AKAP13: variants seen among roughly 807,000 people sequenced by gnomAD.
AKAP13 encodes A-kinase anchor protein 13.
In AKAP13, 80 loss-of-function variants were observed where a neutral mutation model predicts 264.5. The observed-to-expected ratio is 0.30, with a 90% CI of 0.25 to 0.36. The LOEUF is 0.36. AKAP13 is among the 10% of genes least tolerant of loss of function. AKAP13 has a pLI of 1.00. For missense variants in AKAP13, 3,712 were observed against 3,435.2 expected (o/e 1.08, Z -2.01); for synonymous variants, 1,380 against 1,250.2 (o/e 1.10, Z -2.19).
chr15:85,497,207 A>G (rs2075895567), intron 2 of AKAP13, among the ~76,000 whole-genome samples: 1 of 152,224 alleles, frequency 6.6e-6, no homozygotes, highest in Non-Finnish European at 1.5e-5. Flanking sequence ...ATTTAAAACA[A>G]GTATTTGTGA....
intron 3 of AKAP13, among the ~76,000 whole-genome samples, chr15:85,523,600 T>C (rs1567103962): frequency 6.6e-6 from 1 of 152,256 alleles, no homozygotes; most frequent in Non-Finnish European, 1.5e-5. Flanking sequence ...ATTTATTTTC[T>C]ATCTGCCCCA....
chr15:85,671,433 C>CAAAAAAAAA (rs11296113), intron 14 of AKAP13, among the ~76,000 whole-genome samples: 1 of 70,566 alleles, frequency 1.4e-5, no homozygotes. Context: ...GACACTGCCT[C>CAAAAAAAAA]AAAAAAAAAA....
intron 8 of AKAP13, among the ~76,000 whole-genome samples, chr15:85,596,394 C>G (rs1372474816): frequency 6.6e-6 from 1 of 152,024 alleles, no homozygotes; most frequent in Non-Finnish European, 1.5e-5. Context: ...TTGCTTGAGC[C>G]TAGGAGTTCG....
chr15:85,725,253 T>G (rs1250602722), intron 26 of AKAP13, among the ~76,000 whole-genome samples: 1 of 152,116 alleles, frequency 6.6e-6, no homozygotes, highest in Non-Finnish European at 1.5e-5. Context: ...AGTGAATTCA[T>G]GCCAAGAACA....
intron 1 of AKAP13, among the ~76,000 whole-genome samples, chr15:85,468,545 A>G (rs1343368418): frequency 6.6e-6 from 1 of 152,236 alleles, no homozygotes; most frequent in African/African-American, 2.4e-5. Flanking sequence ...ACACCAGGCT[A>G]CTAAAGAGAT....
intron 23 of AKAP13, among the ~76,000 whole-genome samples, chr15:85,720,413 G>A (rs1280716159): frequency 6.6e-6 from 1 of 152,116 alleles, no homozygotes; most frequent in Non-Finnish European, 1.5e-5. Context: ...AATATGTATT[G>A]TTGATACTTT....
chr15:85,583,255 G>C (rs11635711), intron 7 of AKAP13: 218,763 of 873,402 alleles, frequency 0.25, 29,516 homozygotes, highest in Middle Eastern at 0.36. Context: ...TTAAGAATGT[G>C]GGGGAGGGTT....
At chr15:85,641,212 C>T (rs1250512554) in intron 9 of AKAP13, among the ~76,000 whole-genome samples, 1 of 151,690 alleles carries the variant, frequency 6.6e-6, no homozygotes, top group African/African-American at 2.4e-5. Flanking sequence ...TTGGGGAGGC[C>T]GAGGCGGGCA....
intron 3 of AKAP13, among the ~76,000 whole-genome samples, chr15:85,533,355 AGTTTTTT>A (rs1045963931): frequency 6.6e-6 from 1 of 152,156 alleles, no homozygotes; most frequent in Non-Finnish European, 1.5e-5. Flanking sequence ...TGGGATACAA[AGTTTTTT>A]GTTTTTTGTT....
chr15:85,521,308 A>T, intron 2 of AKAP13, 120 bp from the exon 3 acceptor site: 2 of 1,210,610 alleles, frequency 1.7e-6, no homozygotes, highest in Non-Finnish European at 2.4e-6. Context: ...TCAGCTTACC[A>T]GAATGGGGGC....
intron 1 of AKAP13, among the ~76,000 whole-genome samples, chr15:85,459,044 C>G (rs1421213598): frequency 1.3e-5 from 2 of 152,216 alleles, no homozygotes; most frequent in African/African-American, 2.4e-5. Context: ...ATCTACAGCT[C>G]TAACCAAGAC....
At position 85,562,564 on chromosome 15, in the gene AKAP13, C is replaced by CAAAA. The variant is rs1253215813; in HGVS notation, c.663-12559_663-12556dup. Among the ~76,000 whole-genome samples, 82 of 33,872 alleles carry CAAAA rather than the reference C, an allele frequency of 2.4e-3. 2 individuals carry two copies. The highest frequency in any genetic ancestry group is 6.5e-3 in the African/African-American group (67 of 10,296). The allele number at this position is 33,872 out of a possible 152,430, so 22.2% of individuals were successfully genotyped here. A position where few individuals can be genotyped will look rare whatever the true frequency, so the allele number is the denominator to read the frequency against. On this transcript the variant is annotated intron_variant, in intron 5 of 36. Transcript: ENST00000394518. ...TGGGTGACAGAGTGAGAATCTGCCT[C>CAAAA]AAAAAAAAAAATATATATATATATA...
intron 10 of AKAP13, among the ~76,000 whole-genome samples, chr15:85,649,601 G>A (rs2082713211): frequency 6.6e-6 from 1 of 152,134 alleles, no homozygotes; most frequent in Non-Finnish European, 1.5e-5. Flanking sequence ...CCTCACAGAG[G>A]TCTTTAACAG....
At position 85,723,212 on chromosome 15, in the gene AKAP13, A is replaced by T. The variant is rs1300669673; in HGVS notation, c.6637A>T (p.Ile2213Phe). Reference protein sequence around the residue: ...EIYTKTDSKSIMRMKSGQMFA... With the variant: ...EIYTKTDSKSFMRMKSGQMFA... Reference sequence around the variant, plus strand: ...TTATACAAAGACAGATAGCAAGTCAATCATGAGGATGAAGAGTGGTCAGAT... The same window carrying T: ...TTATACAAAGACAGATAGCAAGTCATTCATGAGGATGAAGAGTGGTCAGAT... The change falls in exon 26 of 37, where the codon ATC becomes TTC. Residue 2213 changes from isoleucine (I) to phenylalanine (F), a missense_variant. Ile to Phe is a conservative substitution (Grantham distance 21). Transcript: ENST00000394518. 1 of 1,614,204 alleles carries T rather than the reference A, an allele frequency of 6.2e-7. No homozygotes were observed. The highest frequency in any genetic ancestry group is 2.2e-5 in the East Asian group (1 of 44,882).
At chr15:85,677,376 GTGTTCC>G (rs1197325481) in intron 14 of AKAP13, among the ~76,000 whole-genome samples, 1 of 152,192 alleles carries the variant, frequency 6.6e-6, no homozygotes, top group Non-Finnish European at 1.5e-5. Flanking sequence ...TGTAGGGGGT[GTGTTCC>G]CATCCCATTG....
chr15:85,648,064 C>G (rs988146936), intron 10 of AKAP13, among the ~76,000 whole-genome samples: 87 of 152,168 alleles, frequency 5.7e-4, no homozygotes, highest in African/African-American at 2.0e-3. Flanking sequence ...GTAATTTCCA[C>G]TGCGACTTTC....
At chr15:85,512,251 G>A (rs570548795) in intron 2 of AKAP13, among the ~76,000 whole-genome samples, 7 of 152,018 alleles carry the variant, frequency 4.6e-5, no homozygotes, top group East Asian at 3.9e-4. Context: ...CATGTACAGC[G>A]CAGTGCACAT....
chr15:85,562,872 T>G (rs1356336305), intron 5 of AKAP13, among the ~76,000 whole-genome samples: 3 of 3,780 alleles, frequency 7.9e-4, no homozygotes, highest in Admixed American at 8.1e-3. Flanking sequence ...GTTTTTTTTG[T>G]TTTTTTTTTT....
intron 8 of AKAP13, among the ~76,000 whole-genome samples, chr15:85,604,025 A>G (rs957128152): frequency 6.6e-6 from 1 of 152,162 alleles, no homozygotes; most frequent in Non-Finnish European, 1.5e-5. Context: ...ATGTGTGTTG[A>G]GTGTCTCAAA....
Sources: gnomAD v4.1 joint callset for allele counts (sites outside exome capture counted in the v4.1 genomes callset) on GRCh38, gnomAD v4.1.1 for gene constraint, MANE v1.5 for transcripts, NCBI Gene and HGNC (gene_info 2026-07-23, HGNC 2026-07-21) for gene names.